Variants in SIPA1 observed in about 807,000 individuals in gnomAD.
SIPA1 encodes the protein signal-induced proliferation-associated protein 1.
Under a neutral mutation model 88.1 loss-of-function variants are expected in SIPA1, and 51 were observed. The ratio of observed to expected loss-of-function variants is 0.58; its 90% confidence interval spans 0.46 to 0.73. The LOEUF is 0.73. SIPA1 is among the 30% of genes least tolerant of loss of function. SIPA1 has a pLI of 0.00. For synonymous variants in SIPA1, 681 were observed against 664.8 expected (o/e 1.02, Z -0.37); for missense variants, 1,348 against 1,467.6 (o/e 0.92, Z 1.33).
rs1856149747 is a variant in SIPA1, at chr11:65,647,423, C to T, written c.2071C>T (p.Pro691Ser). 2 of 1,475,364 alleles carry T rather than the reference C, an allele frequency of 1.4e-6. No individual in the cohort carries two copies. The highest frequency in any genetic ancestry group is 3.0e-5 in the East Asian group (1 of 33,320). The allele number at this position is 1,475,364 out of a possible 1,614,324, so 91.4% of individuals were successfully genotyped here. ...CTGCGAGACCCGCGAGCTGGCGCTG[C>T]CCCGCGACGGTCAAGGCCGCCTGGG... Reference protein sequence around the residue: ...RGCETRELALPRDGQGRLGFE... With the variant: ...RGCETRELALSRDGQGRLGFE... The change falls in exon 9 of 16, where the codon CCC (proline) becomes TCC (serine). Residue 691 changes from proline (P) to serine (S), a missense_variant. Transcript: ENST00000534313.
At chr11:65,644,898 C>G (rs1856076852) in intron 4 of SIPA1, 57 bp from the exon 5 acceptor site, 21 of 1,536,008 alleles carry the variant, frequency 1.4e-5, no homozygotes, top group Non-Finnish European at 1.9e-5. Context: ...TCCCTAAGAG[C>G]TGGTGGGGTG....
rs576762873 is a variant in SIPA1, at chr11:65,638,110, G to C, written c.-164G>C. ...GGCCCCGCCCCCAGGCGGAGCCGGC[G>C]CCGGGAGCGGTAGCGGGAGAGCGGC... is the stretch of plus-strand genomic sequence containing the variant. On this transcript the variant is annotated 5_prime_UTR_variant, in exon 1 of 16. Transcript: ENST00000534313. The C allele has an allele frequency of 3.9e-5, 6 of 151,968 alleles. No homozygotes were observed. The highest frequency in any genetic ancestry group is 1.4e-4 in the African/African-American group (6 of 41,398). The allele number at this position is 151,968 out of a possible 1,614,324, so 9.4% of individuals were successfully genotyped here.
chr11:65,647,356 C>A, intron 8 of SIPA1, 28 bp from the exon 9 acceptor site: 1 of 1,388,444 alleles, frequency 7.2e-7, no homozygotes, highest in Non-Finnish European at 9.3e-7. Flanking sequence ...CCCGGCAGCC[C>A]CGCCCACTCG....
chr11:65,647,441 C>A lies in SIPA1; in HGVS notation c.2089C>A (p.Arg697Ser). 6.8e-7 allele frequency: 1 copy of A among 1,481,338 alleles called. No individual in the cohort carries two copies. 91.8% of individuals were successfully genotyped at this position (1,481,338 alleles called of 1,614,324 possible). A position where few individuals can be genotyped will look rare whatever the true frequency, so the allele number is the denominator to read the frequency against. Residue 697 changes from arginine to serine, a missense_variant, in exon 9 of 16, where the codon CGC becomes AGC. This residue lies in a region of SIPA1 where 615 missense variants were observed against 559.8 expected (regional missense o/e 1.10). Coordinates refer to ENST00000534313, the MANE Select transcript of SIPA1 (RefSeq NM_006747.4). ...ELALPRDGQG[R>S]LGFEVDAEGF... ...GGCGCTGCCCCGCGACGGTCAAGGC[C>A]GCCTGGGCTTCGAGGTGGACGCCGA...
At chr11:65,645,158 G>A (rs1023148597) in intron 5 of SIPA1, 29 bp downstream of exon 5, 2 of 1,601,940 alleles carry the variant, frequency 1.2e-6, no homozygotes, top group Non-Finnish European at 1.7e-6. Flanking sequence ...AGGGGTGGGA[G>A]CAGATCTGTG....
At chr11:65,649,115 G>C in intron 9 of SIPA1, 147 bp from the exon 10 acceptor site, 1 of 617,620 alleles carries the variant, frequency 1.6e-6, no homozygotes, top group South Asian at 2.3e-5. Flanking sequence ...AAAATGGCCA[G>C]TAACCAGGCA....
intron 14 of SIPA1, 71 bp downstream of exon 14, chr11:65,650,263 G>C: frequency 6.4e-7 from 1 of 1,568,746 alleles, no homozygotes; most frequent in Non-Finnish European, 8.8e-7. Flanking sequence ...GTCTGCTGGG[G>C]TGGAGCTCTG....
intron 4 of SIPA1, among the ~76,000 whole-genome samples, chr11:65,643,933 C>T (rs551639752): frequency 1.3e-4 from 20 of 151,980 alleles, no homozygotes; most frequent in South Asian, 2.1e-4. Flanking sequence ...CTAGACTGTA[C>T]GGGGCGGGGA....
At chr11:65,638,255 C>T (rs1855936046) in intron 1 of SIPA1, 73 bp downstream of exon 1, 1 of 152,268 alleles carries the variant, frequency 6.6e-6, no homozygotes, top group African/African-American at 2.4e-5. Context: ...AGCCGTGGGC[C>T]CGGGTGATGT....
In SIPA1 at chr11:65,640,725, G is replaced by A. The variant is rs984257510; in HGVS notation, c.-91-106G>A. The A allele has an allele frequency of 6.6e-5, 35 of 529,598 alleles. No homozygotes were observed. The African/African-American group carries it at 6.9e-4, about 10-fold the overall frequency. 32.8% of individuals were successfully genotyped at this position (529,598 alleles called of 1,614,324 possible). A position where few individuals can be genotyped will look rare whatever the true frequency, so the allele number is the denominator to read the frequency against. ...CTGGAAAGCGGAAGCAGCTTTGATG[G>A]TCTCGGAGGGGGCCGGAAGCCAACA... On this transcript the variant is annotated intron_variant, in intron 1 of 15. Transcript: ENST00000534313.
chr11:65,641,212 G>T lies in SIPA1; in HGVS notation c.291G>T (p.Gly97=). 1 of 1,612,556 alleles carries T rather than the reference G, an allele frequency of 6.2e-7. No homozygotes were observed. The highest frequency in any genetic ancestry group is 8.5e-7 in the Non-Finnish European group (1 of 1,180,014). ...TCACTGACCCGCTGGCACTGCTGGG[G>T]CTGCCAGCAGAGGAACCAGAGCCTG... ...RLFTDPLALL[G]LPAEEPEPAF... is the part of the protein sequence containing the mutation. The change falls in exon 2 of 16, where the codon GGG becomes GGT. Residue 97 remains glycine, a synonymous_variant. Coordinates refer to ENST00000534313, the MANE Select transcript of SIPA1 (RefSeq NM_006747.4).
chr11:65,645,967 G>A lies in SIPA1; in HGVS notation c.1263+10G>A, dbSNP rs765605414. 22 of 1,592,486 alleles carry A rather than the reference G, an allele frequency of 1.4e-5. No homozygotes were observed. The highest frequency in any genetic ancestry group is 1.6e-5 in the Non-Finnish European group (19 of 1,163,560). On this transcript the variant is annotated intron_variant, in intron 6 of 15. Coordinates refer to ENST00000534313, the MANE Select transcript of SIPA1 (RefSeq NM_006747.4). ...TAATAACCAGCAGCAGGTGTGAGGGGGACCAACGTGGGGGTGGGGCTTCCG... is the reference window on the plus strand; with the variant it reads ...TAATAACCAGCAGCAGGTGTGAGGGAGACCAACGTGGGGGTGGGGCTTCCG...
At position 65,646,085 on chromosome 11, in the gene SIPA1, C is replaced by G. The variant is rs1419875418; in HGVS notation, c.1263+128C>G. On this transcript the variant is annotated intron_variant, in intron 6 of 15. Transcript: ENST00000534313. The surrounding 1 kb of genome is among the most constrained non-coding windows in gnomAD (Gnocchi z 7.5). ...AGCCCGCCCCTCTGGTGGCCCCTTC[C>G]CAAAGACAGAAACACCCTAGGTCTT... 2 of 1,318,114 alleles carry G rather than the reference C, an allele frequency of 1.5e-6. No homozygotes were observed. The highest frequency in any genetic ancestry group is 1.9e-5 in the Admixed American group (1 of 52,636). 81.7% of individuals were successfully genotyped at this position (1,318,114 alleles called of 1,614,324 possible).
In SIPA1 at chr11:65,642,074, G is replaced by A. The variant is rs1412224633; in HGVS notation, c.680-176G>A. On this transcript the variant is annotated intron_variant, in intron 2 of 15. Coordinates refer to ENST00000534313, the MANE Select transcript of SIPA1 (RefSeq NM_006747.4). The surrounding 1 kb of genome is among the most constrained non-coding windows in gnomAD (Gnocchi z 6.5). ...GGTCTGGGTCTGGGTCCACCTCTGG[G>A]TCAGGGTTGAGATCAAGATATTGAG... 7 of 927,416 alleles carry A rather than the reference G, an allele frequency of 7.5e-6. No homozygotes were observed. The African/African-American group carries it at 1.0e-4, about 14-fold the overall frequency. 57.4% of individuals were successfully genotyped at this position (927,416 alleles called of 1,614,324 possible).
rs1283784056 is a variant in SIPA1 at position 65,645,923 on chromosome 11, C to T, written c.1229C>T (p.Thr410Met). The T allele has an allele frequency of 1.1e-5, 17 of 1,613,446 alleles. No homozygotes were observed. Among genetic ancestry groups the T allele is most frequent in the Non-Finnish European group, 1.4e-5 (16 of 1,179,590 alleles). Reference sequence around the variant, plus strand: ...CACGAGATCATGTTCCACGTGTCCACGATGCTGCCTTACACCCCTAATAAC... The same window carrying T: ...CACGAGATCATGTTCCACGTGTCCATGATGCTGCCTTACACCCCTAATAAC... ...QDHEIMFHVS[T>M]MLPYTPNNQQ... is the part of the protein sequence containing the mutation. Residue 410 changes from threonine to methionine, a missense_variant, in exon 6 of 16, where the codon ACG becomes ATG. Thr to Met is a moderately conservative substitution (Grantham distance 81). Around this residue, in one of 4 missense-constraint regions of SIPA1, gnomAD observed 641 missense variants for 797.7 expected, o/e 0.80. Coordinates refer to ENST00000534313, the MANE Select transcript of SIPA1 (RefSeq NM_006747.4).
chr11:65,647,292 T>C, intron 8 of SIPA1, 92 bp from the exon 9 acceptor site: 2 of 1,370,570 alleles, frequency 1.5e-6, no homozygotes, highest in Non-Finnish European at 9.4e-7. Flanking sequence ...CTGTGGAAAG[T>C]TCCGTGTGGC....
Position 65,642,418 on chromosome 11 carries a change from C to A in SIPA1, c.807+41C>A. 6.3e-7 allele frequency: 1 copy of A among 1,596,516 alleles called. No individual in the cohort carries two copies. The highest frequency in any genetic ancestry group is 1.1e-5 in the South Asian group (1 of 89,686). On this transcript the variant is annotated intron_variant, in intron 3 of 15. Coordinates refer to ENST00000534313, the MANE Select transcript of SIPA1 (RefSeq NM_006747.4). The surrounding 1 kb of genome is among the most constrained non-coding windows in gnomAD (Gnocchi z 6.5). ...GGGATCAGGACGTGGGTTGCCTCCC[C>A]GACACCTTGTATGCATCCTGAGTGC...
intron 9 of SIPA1, among the ~76,000 whole-genome samples, chr11:65,648,198 A>T (rs762952868): frequency 8.6e-5 from 13 of 151,932 alleles, no homozygotes; most frequent in Non-Finnish European, 1.3e-4. Flanking sequence ...GTAGAATGGG[A>T]CCAGTTAAGC....
chr11:65,646,514 G>T lies in SIPA1; in HGVS notation c.1480G>T (p.Gly494Ter). 2 of 1,573,422 alleles carry T rather than the reference G, an allele frequency of 1.3e-6. No homozygotes were observed. Among genetic ancestry groups the T allele is most frequent in the Admixed American group, 1.8e-5 (1 of 56,636 alleles). ...CTTCGGGCCAGCTCTGCCTGCTGGC[G>T]GAGGCCCCTTCGCAGCCAACGCCGA... is the stretch of plus-strand genomic sequence containing the variant. The part of the protein sequence containing the change: ...PAFGPALPAG[G>*]GPFAANADFR... Residue 494 changes from glycine to a stop codon, truncating the protein, a stop_gained, in exon 8 of 16, where the codon GGA (glycine) becomes TGA (stop). Coordinates refer to ENST00000534313, the MANE Select transcript of SIPA1 (RefSeq NM_006747.4). LOFTEE classifies it high-confidence loss of function. This position sits in a 1 kb window ranked among gnomAD's most constrained non-coding sequence, Gnocchi z 7.5.
Sources: allele counts gnomAD v4.1 joint callset (sites outside exome capture counted in the v4.1 genomes callset), GRCh38; gene constraint gnomAD v4.1.1; regional missense constraint gnomAD v4.1.1; non-coding constraint Gnocchi (gnomAD v3.1); transcripts MANE v1.5; gene names NCBI Gene and HGNC (gene_info 2026-07-23, HGNC 2026-07-21).